The following SGSM1 variants were observed in gnomAD, a reference collection of about 807,000 sequenced individuals.
SGSM1 encodes the protein small G protein signaling modulator 1.
Under a neutral mutation model 133.8 loss-of-function variants are expected in SGSM1, and 73 were observed. The observed-to-expected ratio is 0.55, with a 90% confidence interval of 0.45 to 0.66. SGSM1 has a LOEUF of 0.66. SGSM1 is among the 30% of genes least tolerant of loss of function. The probability of loss-of-function intolerance (pLI) is 0.00; values close to 1 mark genes in which losing one functional copy is unlikely to be tolerated. For synonymous variants in SGSM1, 563 were observed against 573.0 expected (o/e 0.98, Z 0.25); for missense variants, 1,213 against 1,448.1 (o/e 0.84, Z 2.64).
At chr22:24,824,590 G>A (rs1192233955) in intron 2 of SGSM1, among the ~76,000 whole-genome samples, 1 of 123,822 alleles carries the variant, frequency 8.1e-6, no homozygotes, top group Admixed American at 8.9e-5. Context: ...TCCATAGGCT[G>A]TTTCTCCCTG....
At position 24,904,919 on chromosome 22, in the gene SGSM1, G is replaced by C. The variant is rs535908710; in HGVS notation, c.2736-186G>C. The stretch of plus-strand genomic sequence containing the variant: ...AAGAGGCCTCCTGAGTTGGCCTTTA[G>C]GGAGGTCATCCTGGTGGCTGCACAT... On this transcript the variant is annotated intron_variant, in intron 20 of 24. Coordinates refer to ENST00000400358, the MANE Select transcript of SGSM1 (RefSeq NM_001098497.3). Among the ~76,000 whole-genome samples the C allele has an allele frequency of 1.1e-3, 174 of 152,244 alleles. 1 individual carries two copies. Among genetic ancestry groups the C allele is most frequent in the African/African-American group, 3.5e-3 (144 of 41,542 alleles).
intron 20 of SGSM1, 40 bp downstream of exon 20, chr22:24,901,997 GTGGGTGGGTGGGATGGGGGATGT>G: frequency 7.0e-7 from 1 of 1,436,378 alleles, no homozygotes; most frequent in Non-Finnish European, 9.4e-7. Flanking sequence ...GATGGGGATG[GTGGGTGGGTGGGATGGGGGATGT>G]AGGGGGCCCG....
chr22:24,888,221 C>T (rs1376152668), intron 16 of SGSM1, among the ~76,000 whole-genome samples: 1 of 152,028 alleles, frequency 6.6e-6, no homozygotes, highest in Non-Finnish European at 1.5e-5. Context: ...TCAATTTTTC[C>T]TTTTATGAAT....
At position 24,855,650 on chromosome 22, in the gene SGSM1, C is replaced by G; in HGVS notation, c.771C>G (p.Leu257=). 1 of 1,613,996 alleles carries G rather than the reference C, an allele frequency of 6.2e-7. No homozygotes were observed. Among genetic ancestry groups the G allele is most frequent in the Non-Finnish European group, 8.5e-7 (1 of 1,179,894 alleles). The change falls in exon 8 of 25, where the codon CTC becomes CTG. Residue 257 remains leucine (L), a synonymous_variant. Transcript: ENST00000400358. The part of the protein sequence containing the change: ...SLHQNSRATL[L]YGKNNVLVQP... ...ATCAGAACTCCCGTGCCACCCTTCT[C>G]TATGGCAAAAACAACGTTCTTGTTC...
chr22:24,839,111 A>G (rs1929643554), intron 2 of SGSM1, among the ~76,000 whole-genome samples: 1 of 152,194 alleles, frequency 6.6e-6, no homozygotes, highest in Non-Finnish European at 1.5e-5. Context: ...GCTGGAGTGC[A>G]GTAGTGTGAT....
intron 21 of SGSM1, among the ~76,000 whole-genome samples, chr22:24,909,587 C>G (rs944645561): frequency 1.3e-5 from 2 of 151,992 alleles, no homozygotes; most frequent in African/African-American, 4.8e-5. Flanking sequence ...TCCCAAGTAG[C>G]TGGGATTACA....
At chr22:24,883,193 C>T (rs1437174234) in intron 14 of SGSM1, among the ~76,000 whole-genome samples, 2 of 152,114 alleles carry the variant, frequency 1.3e-5, no homozygotes, top group African/African-American at 2.4e-5. Flanking sequence ...CATGAGCCAC[C>T]GCGCACGGCC....
chr22:24,886,740 G>T lies in SGSM1; in HGVS notation c.1770+12G>T, dbSNP rs1427175388. 4 of 1,577,804 alleles carry T rather than the reference G, an allele frequency of 2.5e-6. No individual in the cohort carries two copies. Among genetic ancestry groups the T allele is most frequent in the Non-Finnish European group, 3.4e-6 (4 of 1,160,894 alleles). On this transcript the variant is annotated intron_variant, in intron 16 of 24. Coordinates refer to ENST00000400358, the MANE Select transcript of SGSM1 (RefSeq NM_001098497.3). The stretch of plus-strand genomic sequence containing the variant: ...CAGAAAGGAAAGAGGTCGGTTACCT[G>T]CCATGGGCACTGGGATCTTTGGCAA...
Position 24,876,654 on chromosome 22 carries a change from T to G in SGSM1, c.1369T>G (p.Ser457Ala). ...GCCCAGTCCCCGGAAGTCCTCCTGT[T>G]CATCCTGTTCACAGAGTGGCTCGGC... Reference protein sequence around the residue: ...WQPSPRKSSCSSCSQSGSADG... With the variant: ...WQPSPRKSSCASCSQSGSADG... The change falls in exon 13 of 25, where the codon TCA becomes GCA. Residue 457 changes from serine (S) to alanine (A), a missense_variant. Coordinates refer to ENST00000400358, the MANE Select transcript of SGSM1 (RefSeq NM_001098497.3). 6.2e-7 allele frequency: 1 copy of G among 1,614,014 alleles called. No homozygotes were observed. Among genetic ancestry groups the G allele is most frequent in the Non-Finnish European group, 8.5e-7 (1 of 1,179,898 alleles).
chr22:24,894,458 A>G (rs1932870697), intron 17 of SGSM1, among the ~76,000 whole-genome samples: 1 of 152,250 alleles, frequency 6.6e-6, no homozygotes, highest in Admixed American at 6.5e-5. Flanking sequence ...ACAGTGTGTA[A>G]CAAACAACCA....
chr22:24,810,721 T>C (rs9608340), intron 2 of SGSM1, among the ~76,000 whole-genome samples: 1 of 152,056 alleles, frequency 6.6e-6, no homozygotes, highest in Non-Finnish European at 1.5e-5. Context: ...GGTCCTGGAG[T>C]GGAAGCTACA....
chr22:24,919,803 C>G (rs1446397831), intron 23 of SGSM1, 23 bp from the exon 24 acceptor site: 2 of 1,613,354 alleles, frequency 1.2e-6, no homozygotes, highest in Non-Finnish European at 1.7e-6. Flanking sequence ...ATTCTCTCCC[C>G]ATGTGTGTTG....
At chr22:24,902,088 G>A in intron 20 of SGSM1, 131 bp downstream of exon 20, 1 of 952,710 alleles carries the variant, frequency 1.0e-6, no homozygotes, top group Non-Finnish European at 1.6e-6. Context: ...ATCTTACTTA[G>A]CCCACAGTGA....
chr22:24,857,407 C>CAAA (rs35981293), intron 8 of SGSM1, among the ~76,000 whole-genome samples: 2,878 of 120,234 alleles, frequency 0.024, 78 homozygotes, highest in East Asian at 0.079. Flanking sequence ...GACTCTGTCT[C>CAAA]AAAAAAAAAA....
chr22:24,820,550 G>T (rs751829187), intron 2 of SGSM1, among the ~76,000 whole-genome samples: 10 of 152,168 alleles, frequency 6.6e-5, no homozygotes, highest in Non-Finnish European at 1.2e-4. Flanking sequence ...AGGTCCACAG[G>T]CTCTTATCAT....
At chr22:24,847,954 G>A (rs919447231) in intron 4 of SGSM1, among the ~76,000 whole-genome samples, 158 bp downstream of exon 4, 6 of 149,570 alleles carry the variant, frequency 4.0e-5, no homozygotes, top group African/African-American at 1.3e-4. Context: ...GTCTTTGCAC[G>A]TGCCTCACCC....
intron 21 of SGSM1, among the ~76,000 whole-genome samples, chr22:24,908,573 C>T (rs1244685245): frequency 3.3e-5 from 5 of 152,084 alleles, no homozygotes; most frequent in Admixed American, 6.6e-5. Context: ...GAGGCCGAGG[C>T]GGGCAGATCA....
chr22:24,915,476 T>C (rs1477013371), intron 22 of SGSM1, among the ~76,000 whole-genome samples: 1 of 152,228 alleles, frequency 6.6e-6, no homozygotes, highest in Non-Finnish European at 1.5e-5. Flanking sequence ...TCACTTGATA[T>C]TGTCACACTT....
chr22:24,902,335 T>G (rs1239972865), intron 20 of SGSM1, among the ~76,000 whole-genome samples: 1 of 152,088 alleles, frequency 6.6e-6, no homozygotes, highest in East Asian at 1.9e-4. Flanking sequence ...CTTTTTCTAT[T>G]TTTCTTTAAG....
Sources: gnomAD v4.1 joint callset for allele counts (sites outside exome capture counted in the v4.1 genomes callset) on GRCh38, gnomAD v4.1.1 for gene constraint, MANE v1.5 for transcripts, NCBI Gene and HGNC (gene_info 2026-07-23, HGNC 2026-07-21) for gene names.